LAMA3: variants seen among roughly 807,000 people sequenced by gnomAD.
LAMA3 encodes the protein laminin subunit alpha-3.
LAMA3 carries 281 observed loss-of-function variants against 402.0 expected under a neutral mutation model. The ratio of observed to expected loss-of-function variants is 0.70; its 90% CI spans 0.63 to 0.77. The LOEUF is 0.77. Among genes scored for constraint, LAMA3 ranks in the 30% least tolerant of loss-of-function variants. LAMA3 has a pLI of 0.00. For missense variants in LAMA3, 3,840 were observed against 4,215.5 expected (o/e 0.91, Z 2.47); for synonymous variants, 1,431 against 1,558.4 (o/e 0.92, Z 1.93).
At chr18:23,939,478 C>A in intron 68 of LAMA3, 92 bp downstream of exon 68, 1 of 1,330,180 alleles carries the variant, frequency 7.5e-7, no homozygotes, top group Non-Finnish European at 1.1e-6. Context: ...CACCATGCAG[C>A]TCTCTCTAAT....
chr18:23,895,081 T>G lies in LAMA3; in HGVS notation c.5613+23T>G, dbSNP rs777540705. On this transcript the variant is annotated intron_variant, in intron 44 of 74. Coordinates refer to ENST00000313654, the MANE Select transcript of LAMA3 (RefSeq NM_198129.4). Reference sequence around the variant, plus strand: ...AGGGTAAATCCCCTGCGGCCGAGAGTAGACACGTGGGGAGGAGATGCTGCG... The same window carrying G: ...AGGGTAAATCCCCTGCGGCCGAGAGGAGACACGTGGGGAGGAGATGCTGCG... The G allele has an allele frequency of 1.9e-6, 3 of 1,570,006 alleles. No individual in the cohort carries two copies. The Admixed American group carries it at 5.6e-5, about 29-fold the overall frequency.
rs774512432 is a variant in LAMA3, at chr18:23,898,853, T to C, written c.5724+5T>C. 13 of 1,580,408 alleles carry C rather than the reference T, an allele frequency of 8.2e-6. No homozygotes were observed. The South Asian group carries it at 1.2e-4, about 15-fold the overall frequency. Reference sequence around the variant, plus strand: ...TTTGAGACTTTGCAAGAAAAGGTAATGTGTTAGGTCCATTTAACTTTGGGG... The same window carrying C: ...TTTGAGACTTTGCAAGAAAAGGTAACGTGTTAGGTCCATTTAACTTTGGGG... On this transcript the variant is annotated splice_donor_5th_base_variant and intron_variant, in intron 45 of 74. Transcript: ENST00000313654.
chr18:23,945,093 A>T (rs182129491), intron 69 of LAMA3, among the ~76,000 whole-genome samples: 43 of 152,322 alleles, frequency 2.8e-4, no homozygotes, highest in Admixed American at 9.8e-4. Flanking sequence ...AGATCACACC[A>T]CTGCACTCCA....
At position 23,857,802 on chromosome 18, in the gene LAMA3, G is replaced by A. The variant is rs369349165; in HGVS notation, c.4137-42G>A. 363 of 1,613,844 alleles carry A rather than the reference G, an allele frequency of 2.2e-4. 2 individuals are homozygous for A. In the Middle Eastern group the frequency reaches 2.3e-3, roughly 10 times the overall value. ...GTAAGTGAGCACTTTAAAATTGTGT[G>A]TACAAAGATGATGATTTTTGCTTCC... On this transcript the variant is annotated intron_variant, in intron 32 of 74. Transcript: ENST00000313654.
chr18:23,860,867 T>C (rs1045623742), intron 34 of LAMA3, among the ~76,000 whole-genome samples: 2 of 151,924 alleles, frequency 1.3e-5, no homozygotes, highest in African/African-American at 4.8e-5. Context: ...CTAATTTTTA[T>C]ATGTAATAGA....
Position 23,882,016 on chromosome 18 carries a change from C to T in LAMA3, c.5193C>T (p.Cys1731=). The T allele has an allele frequency of 6.2e-7, 1 of 1,613,582 alleles. No homozygotes were observed. Among genetic ancestry groups the T allele is most frequent in the South Asian group, 1.1e-5 (1 of 91,048 alleles). ...GYYGNAVHGS[C]RACPCPHTNS... The stretch of plus-strand genomic sequence containing the variant: ...ATGGCAACGCCGTCCACGGATCCTG[C>T]AGGGCCTGCCCATGTCCTCACACTA... The change falls in exon 40 of 75, where the codon TGC becomes TGT. Residue 1731 remains cysteine, a synonymous_variant. Transcript: ENST00000313654.
rs77024797 is a variant in LAMA3 at position 23,810,985 on chromosome 18, C to G, written c.1741+482C>G. 6.6e-3 allele frequency among the ~76,000 whole-genome samples: 1,009 copies of G among 152,282 alleles called. 19 individuals carry two copies. Among genetic ancestry groups the G allele is most frequent in the African/African-American group, 0.024 (977 of 41,546 alleles). On this transcript the variant is annotated intron_variant, in intron 13 of 74. Coordinates refer to ENST00000313654, the MANE Select transcript of LAMA3 (RefSeq NM_198129.4). ...TGTGTTTCGGGCCTCTCTCCCTGCC[C>G]TCCTCTGGCCTTCTGGGGGACCGTG... is the stretch of plus-strand genomic sequence containing the variant.
chr18:23,883,499 A>G (rs902099291), intron 40 of LAMA3, among the ~76,000 whole-genome samples: 4 of 152,230 alleles, frequency 2.6e-5, no homozygotes, highest in African/African-American at 9.6e-5. Flanking sequence ...ACAAGTGTGG[A>G]TCACAAAGGC....
chr18:23,763,972 A>G (rs1306466242), intron 8 of LAMA3, among the ~76,000 whole-genome samples: 1 of 152,102 alleles, frequency 6.6e-6, no homozygotes, highest in African/African-American at 2.4e-5. Context: ...TGAAACACTA[A>G]TTTTTCATTC....
intron 38 of LAMA3, among the ~76,000 whole-genome samples, chr18:23,876,070 T>C: frequency 6.6e-6 from 1 of 152,152 alleles, no homozygotes; most frequent in Non-Finnish European, 1.5e-5. Context: ...TCCAGCTACG[T>C]TGGAGGCTGA....
chr18:23,705,931 C>G (rs1478140213), intron 1 of LAMA3, among the ~76,000 whole-genome samples: 2 of 152,200 alleles, frequency 1.3e-5, no homozygotes, highest in Non-Finnish European at 2.9e-5. Context: ...CCCATTCCCT[C>G]TGTCTCTTAC....
chr18:23,708,549 T>G (rs1332828373), intron 1 of LAMA3, among the ~76,000 whole-genome samples: 1 of 152,152 alleles, frequency 6.6e-6, no homozygotes, highest in Admixed American at 6.5e-5. Context: ...TTGTCAAATT[T>G]CTTTTGAGAT....
chr18:23,857,891 G>A lies in LAMA3; in HGVS notation c.4184G>A (p.Gly1395Glu). 3 of 1,614,222 alleles carry A rather than the reference G, an allele frequency of 1.9e-6. No homozygotes were observed. The highest frequency in any genetic ancestry group is 2.5e-6 in the Non-Finnish European group (3 of 1,180,040). ...CGGCAGTGTGACCGATGTGCTTCCG[G>A]GTTTTACCGCTTTCCTGAGTGTGTT... is the stretch of plus-strand genomic sequence containing the variant. The part of the protein sequence containing the change: ...TGRQCDRCAS[G>E]FYRFPECVPC... Residue 1395 changes from glycine to glutamate, a missense_variant, in exon 33 of 75, where the codon GGG becomes GAG. Gly to Glu is a moderately conservative substitution (Grantham distance 98, BLOSUM62 -2). Coordinates refer to ENST00000313654, the MANE Select transcript of LAMA3 (RefSeq NM_198129.4).
intron 1 of LAMA3, among the ~76,000 whole-genome samples, chr18:23,712,967 G>C (rs1326649788): frequency 6.6e-6 from 1 of 151,880 alleles, no homozygotes; most frequent in African/African-American, 2.4e-5. Flanking sequence ...AAATACATTC[G>C]ACATAGAAGA....
In LAMA3 at chr18:23,895,009, G is replaced by A. The variant is rs772568469; in HGVS notation, c.5564G>A (p.Gly1855Glu). ...SQLQGLSASA[G>E]LLEQMRHMET... is the part of the protein sequence containing the mutation. ...CTGCAGGGCCTGAGTGCCAGCGCAGGGCTTCTGGAGCAGATGAGGCACATG... is the reference window on the plus strand; with the variant it reads ...CTGCAGGGCCTGAGTGCCAGCGCAGAGCTTCTGGAGCAGATGAGGCACATG... Residue 1855 changes from glycine to glutamate, a missense_variant, in exon 44 of 75, where the codon GGG becomes GAG. Gly to Glu is a moderately conservative substitution (Grantham distance 98). This residue lies in a region of LAMA3 where 891 missense variants were observed against 857.5 expected (regional missense o/e 1.04). Transcript: ENST00000313654. 1.9e-6 allele frequency: 3 copies of A among 1,612,398 alleles called. No homozygotes were observed. Among genetic ancestry groups the A allele is most frequent in the Non-Finnish European group, 2.5e-6 (3 of 1,179,226 alleles).
chr18:23,710,073 T>C, intron 1 of LAMA3: 1 of 754,190 alleles, frequency 1.3e-6, no homozygotes. Context: ...GATAGCATAG[T>C]GGTCAAGCTT....
chr18:23,875,356 C>G (rs1046567782), intron 38 of LAMA3, among the ~76,000 whole-genome samples: 1 of 152,036 alleles, frequency 6.6e-6, no homozygotes, highest in Non-Finnish European at 1.5e-5. Context: ...AATTATAATT[C>G]TTTTCATCCA....
rs895993609 is a variant in LAMA3, at chr18:23,918,142, T to C, written c.7923+1447T>C. Among the ~76,000 whole-genome samples, 1 of 152,210 alleles carries C rather than the reference T, an allele frequency of 6.6e-6. No individual in the cohort carries two copies. Among genetic ancestry groups the C allele is most frequent in the African/African-American group, 2.4e-5 (1 of 41,454 alleles). ...AGTTATCCCAGCATCACTTATTGAA[T>C]AGGGAGTCCTTTCCCCATTGCTTGT... On this transcript the variant is annotated intron_variant, in intron 60 of 74. Transcript: ENST00000313654. The surrounding 1 kb of genome is among the most constrained non-coding windows in gnomAD (Gnocchi z 4.1).
At chr18:23,738,435 G>A (rs1406284865) in intron 2 of LAMA3, among the ~76,000 whole-genome samples, 1 of 152,116 alleles carries the variant, frequency 6.6e-6, no homozygotes, top group African/African-American at 2.4e-5. Context: ...GAAAGTAAAG[G>A]AAGCGGTTCC....
Sources: gnomAD v4.1 joint callset for allele counts (sites outside exome capture counted in the v4.1 genomes callset) on GRCh38, gnomAD v4.1.1 for gene constraint, gnomAD v4.1.1 regional missense constraint, Gnocchi (gnomAD v3.1) non-coding constraint, MANE v1.5 for transcripts, NCBI Gene and HGNC (gene_info 2026-07-23, HGNC 2026-07-21) for gene names.